Variants in AQR observed in about 807,000 individuals in gnomAD.
The protein encoded by AQR is RNA helicase aquarius.
In AQR, 61 loss-of-function variants were observed where a neutral mutation model predicts 180.5. That is an observed-to-expected ratio of 0.34 (90% CI 0.28 to 0.42). The LOEUF is 0.42. Among genes scored for constraint, AQR ranks in the 10% least tolerant of loss-of-function variants. The pLI, the probability that AQR is intolerant of heterozygous loss-of-function variation, is 1.00. For synonymous variants in AQR, 551 were observed against 588.8 expected (o/e 0.94, Z 0.93); for missense variants, 1,281 against 1,798.3 (o/e 0.71, Z 5.20).
intron 5 of AQR, 164 bp downstream of exon 5, chr15:34,948,100 C>T: frequency 2.8e-6 from 2 of 704,382 alleles, no homozygotes; most frequent in Non-Finnish European, 2.1e-6. Context: ...GTATTGAAAC[C>T]AAAAGAAAAC....
intron 9 of AQR, among the ~76,000 whole-genome samples, chr15:34,938,172 T>A (rs191945622): frequency 2.3e-4 from 35 of 152,242 alleles, no homozygotes; most frequent in African/African-American, 8.2e-4. Flanking sequence ...AGGACCTGGA[T>A]CTAGTAATTA....
intron 6 of AQR, chr15:34,943,474 AAT>A (rs373663575): frequency 1.4e-5 from 7 of 495,922 alleles, no homozygotes; most frequent in South Asian, 9.6e-5. Flanking sequence ...TAAATAAATA[AAT>A]AAATAAAAAT....
At chr15:34,864,046 A>G (rs1892708527) in intron 32 of AQR, among the ~76,000 whole-genome samples, 1 of 152,158 alleles carries the variant, frequency 6.6e-6, no homozygotes, top group Non-Finnish European at 1.5e-5. Context: ...AATGTTACAG[A>G]GATTGTTCTC....
Position 34,862,379 on chromosome 15 carries a change from T to C in AQR, c.4029+488A>G, listed in dbSNP as rs183856989. Among the ~76,000 whole-genome samples the C allele has an allele frequency of 9.2e-3, 1,402 of 152,222 alleles. 67 individuals are homozygous for C. Among genetic ancestry groups the C allele is most frequent in the Non-Finnish European group, 2.2e-3 (151 of 68,010 alleles). On this transcript the variant is annotated intron_variant, in intron 33 of 34. Coordinates refer to ENST00000156471, the MANE Select transcript of AQR (RefSeq NM_014691.3). Reference sequence around the variant, plus strand: ...TTGGATCCTCTATCTGCTAGATGCATGGCCAAACTACTTAGCTTCTCTGAC... The same window carrying C: ...TTGGATCCTCTATCTGCTAGATGCACGGCCAAACTACTTAGCTTCTCTGAC...
At chr15:34,969,365 C>G (rs2050331392) in intron 1 of AQR, among the ~76,000 whole-genome samples, 174 bp downstream of exon 1, 2 of 152,200 alleles carry the variant, frequency 1.3e-5, no homozygotes, top group African/African-American at 4.8e-5. Flanking sequence ...GTATGCCCAG[C>G]ACCTAGCATA....
chr15:34,954,845 C>T (rs962807317), intron 3 of AQR, among the ~76,000 whole-genome samples: 3 of 151,486 alleles, frequency 2.0e-5, no homozygotes, highest in African/African-American at 4.8e-5. Context: ...TATGGAAGGC[C>T]GGGCATGGTG....
At chr15:34,933,226 A>G (rs1893893541) in intron 10 of AQR, among the ~76,000 whole-genome samples, 1 of 147,206 alleles carries the variant, frequency 6.8e-6, no homozygotes, top group African/African-American at 2.7e-5. Flanking sequence ...AGATCCTCAG[A>G]AGTTAGAAGT....
At chr15:34,967,811 CT>C (rs200102998) in intron 1 of AQR, among the ~76,000 whole-genome samples, 1 of 151,390 alleles carries the variant, frequency 6.6e-6, no homozygotes, top group East Asian at 1.9e-4. Context: ...TTAAAGATTT[CT>C]TTTTTTTTGC....
chr15:34,901,462 G>A (rs1275378712), intron 19 of AQR, among the ~76,000 whole-genome samples: 1 of 152,106 alleles, frequency 6.6e-6, no homozygotes, highest in East Asian at 1.9e-4. Flanking sequence ...ACAACAAAAG[G>A]TCATTATAGT....
intron 27 of AQR, among the ~76,000 whole-genome samples, chr15:34,879,817 C>T (rs867568415): frequency 6.6e-6 from 1 of 152,116 alleles, no homozygotes; most frequent in Non-Finnish European, 1.5e-5. Flanking sequence ...TTGGAGAAAG[C>T]AGGCAGAGTT....
intron 5 of AQR, among the ~76,000 whole-genome samples, chr15:34,946,457 A>C (rs1894118432): frequency 8.5e-6 from 1 of 116,972 alleles, no homozygotes; most frequent in Non-Finnish European, 1.8e-5. Flanking sequence ...CCGCCCGGCC[A>C]GCCGCCCCGT....
intron 5 of AQR, among the ~76,000 whole-genome samples, chr15:34,944,918 C>T (rs76727492): frequency 2.2e-4 from 34 of 152,290 alleles, no homozygotes; most frequent in African/African-American, 7.9e-4. Context: ...TTTCTAGTTA[C>T]TGCCACAGAC....
intron 16 of AQR, among the ~76,000 whole-genome samples, chr15:34,911,070 T>C (rs1893492083): frequency 1.3e-5 from 2 of 152,228 alleles, no homozygotes; most frequent in Admixed American, 1.3e-4. Context: ...TTTAGCATAA[T>C]GTACTCCTGG....
chr15:34,945,733 C>T (rs1487830578), intron 5 of AQR, among the ~76,000 whole-genome samples: 3 of 152,158 alleles, frequency 2.0e-5, no homozygotes, highest in Non-Finnish European at 4.4e-5. Flanking sequence ...ATCTTAAAGA[C>T]TCTATCACCT....
chr15:34,893,371 G>A (rs1893179391), intron 23 of AQR, among the ~76,000 whole-genome samples: 1 of 152,096 alleles, frequency 6.6e-6, no homozygotes, highest in South Asian at 2.1e-4. Flanking sequence ...GGGAGAGGAG[G>A]GGGTCCTCAC....
chr15:34,900,578 G>T, intron 20 of AQR, 44 bp downstream of exon 20: 1 of 1,583,232 alleles, frequency 6.3e-7, no homozygotes, highest in South Asian at 1.2e-5. Flanking sequence ...AACGTACATT[G>T]ACTACAGAAT....
chr15:34,892,945 A>G (rs2140472315), intron 23 of AQR, among the ~76,000 whole-genome samples: 1 of 152,340 alleles, frequency 6.6e-6, no homozygotes, highest in East Asian at 1.9e-4. Context: ...GGTCAGAATA[A>G]AAGTCAAACC....
At chr15:34,910,774 C>A (rs1009940392) in intron 16 of AQR, among the ~76,000 whole-genome samples, 5 of 152,160 alleles carry the variant, frequency 3.3e-5, no homozygotes, top group Admixed American at 2.6e-4. Context: ...GATATCATTA[C>A]CAACACAGTT....
At chr15:34,937,662 C>G (rs1214419999) in intron 9 of AQR, among the ~76,000 whole-genome samples, 1 of 151,682 alleles carries the variant, frequency 6.6e-6, no homozygotes, top group Non-Finnish European at 1.5e-5. Flanking sequence ...GGCAGGCAGA[C>G]TGCCTGAGGT....
Sources: allele counts gnomAD v4.1 joint callset (sites outside exome capture counted in the v4.1 genomes callset), GRCh38; gene constraint gnomAD v4.1.1; transcripts MANE v1.5; gene names NCBI Gene and HGNC (gene_info 2026-07-23, HGNC 2026-07-21).